The following DENND3 variants were observed in gnomAD, a reference collection of about 807,000 sequenced individuals.
The protein encoded by DENND3 is DENN domain-containing protein 3.
A neutral mutation model predicts 135.1 loss-of-function variants in DENND3; 88 were observed. That is an observed-to-expected ratio of 0.65 (90% CI 0.55 to 0.78). DENND3 has a LOEUF of 0.78. DENND3 is among the 30% of genes least tolerant of loss of function. The pLI, the probability that DENND3 is intolerant of heterozygous loss-of-function variation, is 0.00. For synonymous variants in DENND3, 693 were observed against 712.3 expected (o/e 0.97, Z 0.43); for missense variants, 1,392 against 1,688.4 (o/e 0.82, Z 3.08).
At chr8:141,152,713 G>A (rs1001900088) in intron 7 of DENND3, among the ~76,000 whole-genome samples, 18 of 152,168 alleles carry the variant, frequency 1.2e-4, no homozygotes, top group African/African-American at 4.1e-4. Flanking sequence ...GAACACTTGT[G>A]TGCAAGTTTT....
intron 13 of DENND3, among the ~76,000 whole-genome samples, chr8:141,169,958 G>C (rs925288782): frequency 6.6e-6 from 1 of 152,246 alleles, no homozygotes; most frequent in African/African-American, 2.4e-5. Context: ...GTTCCTCTGA[G>C]ATGTGTACCC....
intron 17 of DENND3, among the ~76,000 whole-genome samples, chr8:141,183,143 G>A (rs1483084323): frequency 6.6e-6 from 1 of 152,108 alleles, no homozygotes; most frequent in Non-Finnish European, 1.5e-5. Context: ...TGATAGGGTA[G>A]AAGAATATTT....
intron 13 of DENND3, among the ~76,000 whole-genome samples, chr8:141,172,201 C>T (rs1312914618): frequency 7.1e-6 from 1 of 141,780 alleles, no homozygotes; most frequent in Non-Finnish European, 1.5e-5. Context: ...GGTAGGTGTG[C>T]ACAGTGGATG....
chr8:141,128,857 C>T lies in DENND3; in HGVS notation c.102+48C>T, dbSNP rs757432699. 4.6e-6 allele frequency: 6 copies of T among 1,311,568 alleles called. No individual in the cohort carries two copies. The African/African-American group carries it at 4.6e-5, about 10-fold the overall frequency. 81.2% of individuals were successfully genotyped at this position (1,311,568 alleles called of 1,614,324 possible). A position where few individuals can be genotyped will look rare whatever the true frequency, so the allele number is the denominator to read the frequency against. The stretch of plus-strand genomic sequence containing the variant: ...CGGACGTGGGCCACGAGTCGGCAGC[C>T]GGGACAGCAGTCGGAGAGCGGGCGC... On this transcript the variant is annotated intron_variant, in intron 1 of 22. Transcript: ENST00000519811. The surrounding 1 kb of genome is among the most constrained non-coding windows in gnomAD (Gnocchi z 4.5).
Position 141,144,634 on chromosome 8 carries a change from A to C in DENND3, c.735+375A>C, listed in dbSNP as rs1817835883. Among the ~76,000 whole-genome samples the C allele has an allele frequency of 6.6e-6, 1 of 152,182 alleles. No homozygotes were observed. Among genetic ancestry groups the C allele is most frequent in the South Asian group, 2.1e-4 (1 of 4,828 alleles). ...CCAACGGGACCCTAGAAAAACCTTA[A>C]AAATGAAATTCCCGGCCATGACAGG... On this transcript the variant is annotated intron_variant, in intron 5 of 22. Coordinates refer to ENST00000519811, the MANE Select transcript of DENND3 (RefSeq NM_001352890.3). This position sits in a 1 kb window ranked among gnomAD's most constrained non-coding sequence, Gnocchi z 4.4.
chr8:141,186,844 G>T (rs559193573), intron 18 of DENND3, among the ~76,000 whole-genome samples: 5 of 152,232 alleles, frequency 3.3e-5, no homozygotes, highest in African/African-American at 1.2e-4. Context: ...ATCATTTCTT[G>T]GGGATTTTCC....
intron 16 of DENND3, among the ~76,000 whole-genome samples, chr8:141,178,700 A>G (rs1363711854): frequency 1.3e-5 from 2 of 152,134 alleles, no homozygotes; most frequent in South Asian, 2.1e-4. Context: ...GCACGTCAGG[A>G]TCCGCTTTTT....
intron 8 of DENND3, among the ~76,000 whole-genome samples, chr8:141,159,223 C>T (rs56043682): frequency 0.59 from 89,851 of 152,002 alleles, 27,348 homozygotes; most frequent in South Asian, 0.73. Context: ...TGGGCCACTC[C>T]ACCCAGAATC....
chr8:141,145,820 TATATATATATATATATATATATA>T (rs1569555441), intron 5 of DENND3, among the ~76,000 whole-genome samples: 418 of 36,586 alleles, frequency 0.011, 20 homozygotes, highest in African/African-American at 0.041. Context: ...TATATATATA[TATATATATATATATATATATATA>T]TATATATGTA....
At chr8:141,164,854 C>T (rs1182285029) in intron 10 of DENND3, among the ~76,000 whole-genome samples, 3 of 152,208 alleles carry the variant, frequency 2.0e-5, no homozygotes, top group Non-Finnish European at 2.9e-5. Context: ...TCTTTTTTAT[C>T]GAGTTTCCTC....
rs772046742 is a variant in DENND3 at position 141,192,648 on chromosome 8, C to T, written c.3621C>T (p.Ile1207=). ...ACTGCTCTGAGATCAACTGCATGAT[C>T]CGGGTGAAGAAGCAGGTAGGGTGGA... is the stretch of plus-strand genomic sequence containing the variant. The part of the protein sequence containing the change: ...LEDCSEINCM[I]RVKKQVWVGS... Residue 1207 remains isoleucine (I), a synonymous_variant, in exon 22 of 23, where the codon ATC becomes ATT. Coordinates refer to ENST00000519811, the MANE Select transcript of DENND3 (RefSeq NM_001352890.3). 2 of 1,606,518 alleles carry T rather than the reference C, an allele frequency of 1.2e-6. No homozygotes were observed. Among genetic ancestry groups the T allele is most frequent in the Non-Finnish European group, 1.7e-6 (2 of 1,175,202 alleles).
chr8:141,133,455 G>T (rs572244123), intron 1 of DENND3, among the ~76,000 whole-genome samples: 1 of 152,162 alleles, frequency 6.6e-6, no homozygotes, highest in Non-Finnish European at 1.5e-5. Context: ...TCTGGTTTGC[G>T]GTCAGACAGG....
chr8:141,181,649 T>G (rs10104549), intron 17 of DENND3, among the ~76,000 whole-genome samples: 33,472 of 152,228 alleles, frequency 0.22, 4,499 homozygotes, highest in East Asian at 0.53. Flanking sequence ...ACGTTGAAAC[T>G]GTGGAAAATA....
At chr8:141,129,329 C>T (rs1382715384) in intron 1 of DENND3, among the ~76,000 whole-genome samples, 8 of 152,116 alleles carry the variant, frequency 5.3e-5, no homozygotes, top group African/African-American at 1.9e-4. Flanking sequence ...AACGAGAGAG[C>T]AATCTTAGAG....
intron 4 of DENND3, chr8:141,142,261 A>G (rs1284540699): frequency 4.8e-6 from 2 of 414,210 alleles, no homozygotes; most frequent in Admixed American, 5.4e-5. Flanking sequence ...TGAGTCTCAT[A>G]AAGTTACAGT....
rs1332545509 is a variant in DENND3, at chr8:141,130,255, A to G, written c.102+1446A>G. 6.6e-6 allele frequency among the ~76,000 whole-genome samples: 1 copy of G among 152,172 alleles called. No homozygotes were observed. Among genetic ancestry groups the G allele is most frequent in the Non-Finnish European group, 1.5e-5 (1 of 68,030 alleles). On this transcript the variant is annotated intron_variant, in intron 1 of 22. Transcript: ENST00000519811. The surrounding 1 kb of genome is among the most constrained non-coding windows in gnomAD (Gnocchi z 4.2). ...ATTATTATTATTATGTTAATAATAG[A>G]GAGGAGGTCTCACTGTGTTGCCCAG...
At chr8:141,163,545 GT>G in intron 10 of DENND3, 116 bp downstream of exon 10, 1 of 622,380 alleles carries the variant, frequency 1.6e-6, no homozygotes, top group Non-Finnish European at 2.7e-6. Context: ...CAAAAAGTTT[GT>G]TTTAGCATGG....
intron 13 of DENND3, among the ~76,000 whole-genome samples, chr8:141,172,187 CTG>C (rs912299334): frequency 7.2e-6 from 1 of 138,896 alleles, no homozygotes; most frequent in South Asian, 2.3e-4. Flanking sequence ...TGGGTGTACA[CTG>C]TGGTAGGTGT....
rs1352790304 is a variant in DENND3 at position 141,145,832 on chromosome 8, TATATATATATATATATATGTA to T, written c.735+1574_735+1594del. On this transcript the variant is annotated intron_variant, in intron 5 of 22. Transcript: ENST00000519811. Reference sequence around the variant, plus strand: ...ATATATATATATATATATATATATATATATATATATATATATATGTATTTTTTTTTTTTTGAGGCGGAGTCT... The same window carrying T: ...ATATATATATATATATATATATATATTTTTTTTTTTTTTGAGGCGGAGTCT... Among the ~76,000 whole-genome samples, 451 of 82,698 alleles carry T rather than the reference TATATATATATATATATATGTA, an allele frequency of 5.5e-3. 8 individuals carry two copies. The highest frequency in any genetic ancestry group is 0.02 in the East Asian group (26 of 1,284). The allele number at this position is 82,698 out of a possible 152,430, so 54.3% of individuals were successfully genotyped here.
Sources: gnomAD v4.1 joint callset for allele counts (sites outside exome capture counted in the v4.1 genomes callset) on GRCh38, gnomAD v4.1.1 for gene constraint, Gnocchi (gnomAD v3.1) non-coding constraint, MANE v1.5 for transcripts, NCBI Gene and HGNC (gene_info 2026-07-23, HGNC 2026-07-21) for gene names.